NEK1: variants seen among roughly 807,000 people sequenced by gnomAD.
The protein encoded by NEK1 is NIMA related kinase 1.
NEK1 carries 137 observed loss-of-function variants against 182.1 expected under a neutral mutation model. The ratio of observed to expected loss-of-function variants is 0.75; its 90% CI spans 0.65 to 0.87. The LOEUF is 0.87. NEK1 is among the 40% of genes least tolerant of loss of function. The pLI is 0.00. For missense variants in NEK1, 1,391 were observed against 1,494.4 expected, an observed-to-expected ratio of 0.93 and a Z score of 1.14; for synonymous variants, 513 against 492.2, an observed-to-expected ratio of 1.04 and a Z score of -0.56.
intron 32 of NEK1, among the ~76,000 whole-genome samples, chr4:169,406,348 T>C (rs1287799366): frequency 6.6e-6 from 1 of 152,038 alleles, no homozygotes; most frequent in Non-Finnish European, 1.5e-5. Context: ...CCCCTCTTTT[T>C]TACATATAAA....
chr4:169,505,398 T>C (rs950513409), intron 23 of NEK1, among the ~76,000 whole-genome samples: 2 of 152,198 alleles, frequency 1.3e-5, no homozygotes, highest in Admixed American at 6.5e-5. Context: ...CATTTAAAAA[T>C]AGTAAATATA....
intron 18 of NEK1, among the ~76,000 whole-genome samples, chr4:169,549,541 G>T (rs1208935731): frequency 6.6e-6 from 1 of 152,088 alleles, no homozygotes; most frequent in African/African-American, 2.4e-5. Context: ...TCCTGCCTCA[G>T]CCTGCCAAGT....
intron 27 of NEK1, among the ~76,000 whole-genome samples, chr4:169,457,640 G>A (rs971579943): frequency 2.1e-5 from 3 of 141,722 alleles, no homozygotes; most frequent in Non-Finnish European, 3.0e-5. Flanking sequence ...GGGAGAAAGA[G>A]AGAAAGTGCG....
chr4:169,589,255 A>G (rs141634026), intron 7 of NEK1, among the ~76,000 whole-genome samples, 192 bp downstream of exon 7: 87 of 152,316 alleles, frequency 5.7e-4, no homozygotes, highest in African/African-American at 2.0e-3. Context: ...CTAGGTTTGT[A>G]TAAGTACACT....
intron 27 of NEK1, among the ~76,000 whole-genome samples, chr4:169,445,924 G>T (rs2149449049): frequency 6.7e-6 from 1 of 149,686 alleles, no homozygotes; most frequent in African/African-American, 2.5e-5. Flanking sequence ...TAAAAAGAAT[G>T]AAATCTTATT....
At chr4:169,440,854 A>G (rs949112319) in intron 27 of NEK1, among the ~76,000 whole-genome samples, 3 of 152,164 alleles carry the variant, frequency 2.0e-5, no homozygotes, top group South Asian at 4.1e-4. Flanking sequence ...CTAGAGAGGA[A>G]GTTTGTGCTG....
intron 5 of NEK1, among the ~76,000 whole-genome samples, chr4:169,593,938 G>A (rs1768993556): frequency 6.7e-6 from 1 of 149,778 alleles, no homozygotes; most frequent in Non-Finnish European, 1.5e-5. Context: ...GCAGTGAGCC[G>A]AGATCGCACC....
chr4:169,397,921 T>C (rs141991579), intron 35 of NEK1, among the ~76,000 whole-genome samples: 80 of 152,324 alleles, frequency 5.3e-4, no homozygotes, highest in African/African-American at 1.8e-3. Flanking sequence ...AAAAGCTCTA[T>C]TGAAACAATA....
intron 35 of NEK1, among the ~76,000 whole-genome samples, chr4:169,396,464 T>C (rs1020468686): frequency 3.3e-5 from 5 of 150,170 alleles, no homozygotes; most frequent in Admixed American, 6.7e-5. Flanking sequence ...CTCTGCCAGG[T>C]TGCCACTGGC....
intron 12 of NEK1, 126 bp downstream of exon 12, chr4:169,576,799 CAGA>C (rs1765751361): frequency 9.0e-6 from 8 of 892,188 alleles, no homozygotes; most frequent in Admixed American, 4.7e-5. Context: ...TGGTAAAACA[CAGA>C]AGGAGGACAT....
rs147218748 is a variant in NEK1 at position 169,408,943 on chromosome 4, G to A, written c.3223-2196C>T. On this transcript the variant is annotated intron_variant, in intron 31 of 35. Coordinates refer to ENST00000507142, the MANE Select transcript of NEK1 (RefSeq NM_001199397.3). The stretch of plus-strand genomic sequence containing the variant: ...TGCTGCTATAAACATGGGTGTGTGT[G>A]TGTCTTTTTCATATAATGACTTCTT... Among the ~76,000 whole-genome samples the A allele has an allele frequency of 6.5e-3, 982 of 152,220 alleles. 11 individuals are homozygous for A. Among genetic ancestry groups the A allele is most frequent in the African/African-American group, 0.023 (946 of 41,550 alleles).
intron 33 of NEK1, 33 bp from the exon 34 acceptor site, chr4:169,400,684 T>A: frequency 6.7e-7 from 1 of 1,500,276 alleles, no homozygotes; most frequent in Non-Finnish European, 9.0e-7. Context: ...AGATTTGATT[T>A]AAAAAGACTG....
chr4:169,575,581 G>A (rs935539577), intron 12 of NEK1, among the ~76,000 whole-genome samples: 1 of 152,178 alleles, frequency 6.6e-6, no homozygotes, highest in Non-Finnish European at 1.5e-5. Context: ...ATCCCAGCTA[G>A]AGCAGCACCA....
Position 169,588,635 on chromosome 4 carries a change from A to G in NEK1, c.551+14T>C. 1 of 1,455,884 alleles carries G rather than the reference A, an allele frequency of 6.9e-7. No individual in the cohort carries two copies. Among genetic ancestry groups the G allele is most frequent in the South Asian group, 1.2e-5 (1 of 80,856 alleles). The allele number at this position is 1,455,884 out of a possible 1,614,324, so 90.2% of individuals were successfully genotyped here. ...AAAGCAAATACATCACATAATGAATATCATTTTAAATACCTTTTATTATTG... is the reference window on the plus strand; with the variant it reads ...AAAGCAAATACATCACATAATGAATGTCATTTTAAATACCTTTTATTATTG... On this transcript the variant is annotated intron_variant, in intron 8 of 35. Coordinates refer to ENST00000507142, the MANE Select transcript of NEK1 (RefSeq NM_001199397.3).
At chr4:169,479,855 T>C (rs1272696961) in intron 23 of NEK1, among the ~76,000 whole-genome samples, 1 of 152,180 alleles carries the variant, frequency 6.6e-6, no homozygotes, top group African/African-American at 2.4e-5. Flanking sequence ...TTGTTAATCT[T>C]ACACTTCTAA....
At chr4:169,481,403 T>G (rs1580060768) in intron 23 of NEK1, among the ~76,000 whole-genome samples, 1 of 152,246 alleles carries the variant, frequency 6.6e-6, no homozygotes, top group African/African-American at 2.4e-5. Context: ...TATCTATGGC[T>G]ACAGCCTTAA....
At chr4:169,415,547 A>G (rs1223933201) in intron 31 of NEK1, among the ~76,000 whole-genome samples, 1 of 152,216 alleles carries the variant, frequency 6.6e-6, no homozygotes, top group Admixed American at 6.5e-5. Flanking sequence ...ATAGTTGCTA[A>G]TGGCTTGATT....
In NEK1 at chr4:169,556,022, T is replaced by C. The variant is rs760878672; in HGVS notation, c.1340A>G (p.His447Arg). 1.2e-6 allele frequency: 2 copies of C among 1,613,790 alleles called. No individual in the cohort carries two copies. Among genetic ancestry groups the C allele is most frequent in the Non-Finnish European group, 1.7e-6 (2 of 1,179,802 alleles). Reference sequence around the variant, plus strand: ...TTGCTGCATTTGGTCAAAAATGGCATGGTAATGTTCATACTGTCCTCGAGA... The same window carrying C: ...TTGCTGCATTTGGTCAAAAATGGCACGGTAATGTTCATACTGTCCTCGAGA... Reference protein sequence around the residue: ...FSSRGQYEHYHAIFDQMQQQR... With the variant: ...FSSRGQYEHYRAIFDQMQQQR... The change falls in exon 17 of 36, where the codon CAT (histidine) becomes CGT (arginine). Residue 447 changes from histidine to arginine, a missense_variant. This residue lies in a region of NEK1 where 1,216 missense variants were observed against 1,277.6 expected (regional missense o/e 0.95). Transcript: ENST00000507142.
chr4:169,577,776 A>ATAC (rs1765952361), intron 11 of NEK1, among the ~76,000 whole-genome samples: 1 of 151,712 alleles, frequency 6.6e-6, no homozygotes, highest in African/African-American at 2.4e-5. Context: ...AATAATAATA[A>ATAC]TAATAGTTTT....
Sources: gnomAD v4.1 joint callset for allele counts (sites outside exome capture counted in the v4.1 genomes callset) on GRCh38, gnomAD v4.1.1 for gene constraint, gnomAD v4.1.1 regional missense constraint, MANE v1.5 for transcripts, NCBI Gene and HGNC (gene_info 2026-07-23, HGNC 2026-07-21) for gene names.